MMP16: variants seen among roughly 807,000 people sequenced by gnomAD.
MMP16 encodes matrix metalloproteinase-16.
Under a neutral mutation model 67.8 loss-of-function variants are expected in MMP16, and 12 were observed. The observed-to-expected ratio is 0.18, with a 90% CI of 0.11 to 0.29. The LOEUF is 0.29. Ranked by LOEUF, MMP16 falls within the 10% of genes least tolerant of loss-of-function variation. MMP16 has a pLI of 1.00. For synonymous variants in MMP16, 249 were observed against 255.9 expected, an observed-to-expected ratio of 0.97 and a Z score of 0.26; for missense variants, 475 against 765.7, an observed-to-expected ratio of 0.62 and a Z score of 4.48.
intron 7 of MMP16, chr8:88,069,524 T>C (rs538027243): frequency 3.8e-6 from 2 of 525,130 alleles, no homozygotes; most frequent in Non-Finnish European, 7.8e-6. Context: ...CTCCCTTCAC[T>C]GCAAAGGAAA....
intron 4 of MMP16, among the ~76,000 whole-genome samples, chr8:88,141,603 A>T (rs1222937961): frequency 3.3e-5 from 5 of 152,190 alleles, no homozygotes; most frequent in Non-Finnish European, 2.9e-5. Context: ...GAATCTACTT[A>T]ATAGAGGTAC....
chr8:88,263,511 C>T (rs1810423236), intron 1 of MMP16, among the ~76,000 whole-genome samples: 1 of 152,148 alleles, frequency 6.6e-6, no homozygotes. Flanking sequence ...CAGTTATTGT[C>T]TCATAGTGCT....
chr8:88,200,854 T>A (rs887331856), intron 1 of MMP16, among the ~76,000 whole-genome samples: 5 of 151,912 alleles, frequency 3.3e-5, no homozygotes, highest in African/African-American at 1.2e-4. Flanking sequence ...ATGGAGACAG[T>A]AGAATTTCTC....
chr8:88,322,774 G>A (rs951731939), intron 1 of MMP16, among the ~76,000 whole-genome samples: 3 of 152,104 alleles, frequency 2.0e-5, no homozygotes, highest in African/African-American at 7.2e-5. Context: ...GAGCCCAGGA[G>A]GTTGAGGCTG....
chr8:88,043,228 T>C (rs1182982973), intron 9 of MMP16, among the ~76,000 whole-genome samples: 1 of 152,144 alleles, frequency 6.6e-6, no homozygotes, highest in East Asian at 1.9e-4. Flanking sequence ...TAAACCTTGA[T>C]CTAGATCTAG....
At chr8:88,071,153 T>G (rs1317338228) in intron 7 of MMP16, among the ~76,000 whole-genome samples, 2 of 152,144 alleles carry the variant, frequency 1.3e-5, no homozygotes, top group African/African-American at 4.8e-5. Context: ...AAAATATAAA[T>G]TTTTAATTGT....
At chr8:88,068,798 A>G (rs1586133101) in intron 7 of MMP16, among the ~76,000 whole-genome samples, 3 of 151,914 alleles carry the variant, frequency 2.0e-5, no homozygotes, top group Admixed American at 1.3e-4. Context: ...GCCTCCCGGG[A>G]TCAAGAGATT....
chr8:88,163,745 A>G (rs962349302), intron 4 of MMP16, among the ~76,000 whole-genome samples: 1 of 152,020 alleles, frequency 6.6e-6, no homozygotes, highest in South Asian at 2.1e-4. Flanking sequence ...AAATCTTAAC[A>G]TTTTGCTGGA....
intron 3 of MMP16, among the ~76,000 whole-genome samples, chr8:88,174,262 T>A (rs1031008308): frequency 5.9e-5 from 9 of 152,206 alleles, no homozygotes; most frequent in African/African-American, 1.9e-4. Context: ...TTTAGGTATC[T>A]GTCCCATTGG....
At chr8:88,253,966 A>G (rs1289339281) in intron 1 of MMP16, among the ~76,000 whole-genome samples, 1 of 152,056 alleles carries the variant, frequency 6.6e-6, no homozygotes, top group Non-Finnish European at 1.5e-5. Flanking sequence ...CTGGGTATAT[A>G]CCCAAAGTAA....
intron 4 of MMP16, among the ~76,000 whole-genome samples, chr8:88,133,715 A>G (rs2118481370): frequency 6.6e-6 from 1 of 151,938 alleles, no homozygotes; most frequent in African/African-American, 2.4e-5. Flanking sequence ...TAAATACAAC[A>G]CTTAGAACCT....
intron 1 of MMP16, among the ~76,000 whole-genome samples, chr8:88,208,989 C>T (rs1184169542): frequency 1.3e-5 from 2 of 151,642 alleles, no homozygotes; most frequent in Non-Finnish European, 2.9e-5. Context: ...AGGAAGAAGA[C>T]GTAAAAGAAG....
chr8:88,194,396 T>A (rs1473474868), intron 2 of MMP16, among the ~76,000 whole-genome samples: 1 of 152,062 alleles, frequency 6.6e-6, no homozygotes, highest in African/African-American at 2.4e-5. Flanking sequence ...TAAAAATTCA[T>A]ACCTTATAAT....
At chr8:88,229,479 T>A (rs1233423325) in intron 1 of MMP16, among the ~76,000 whole-genome samples, 4 of 151,990 alleles carry the variant, frequency 2.6e-5, no homozygotes, top group Non-Finnish European at 5.9e-5. Context: ...AAAAGACAGG[T>A]TATAATTAGG....
intron 6 of MMP16, among the ~76,000 whole-genome samples, chr8:88,114,654 C>A (rs1809398925): frequency 6.6e-6 from 1 of 151,704 alleles, no homozygotes; most frequent in Non-Finnish European, 1.5e-5. Flanking sequence ...GAACAAAATG[C>A]CTATTAGAAG....
intron 1 of MMP16, among the ~76,000 whole-genome samples, chr8:88,282,522 C>T (rs1339345421): frequency 6.6e-6 from 1 of 152,186 alleles, no homozygotes; most frequent in Non-Finnish European, 1.5e-5. Flanking sequence ...ACCTCTTTTG[C>T]AATGTAGATA....
At chr8:88,183,815 A>C (rs1809023968) in intron 3 of MMP16, among the ~76,000 whole-genome samples, 2 of 145,842 alleles carry the variant, frequency 1.4e-5, no homozygotes, top group Admixed American at 1.4e-4. Flanking sequence ...TCCCGGGTTC[A>C]AGTTATTCTC....
At chr8:88,113,657 T>C (rs1490218941) in intron 6 of MMP16, among the ~76,000 whole-genome samples, 1 of 151,916 alleles carries the variant, frequency 6.6e-6, no homozygotes, top group Non-Finnish European at 1.5e-5. Context: ...AGGAGACCAA[T>C]AAGCAGTCAT....
chr8:88,129,865 C>T (rs1807997858), intron 4 of MMP16, among the ~76,000 whole-genome samples: 1 of 151,714 alleles, frequency 6.6e-6, no homozygotes, highest in East Asian at 2.0e-4. Context: ...TTTTAGCATA[C>T]TGTGAACCTT....
Sources: gnomAD v4.1 joint callset for allele counts (sites outside exome capture counted in the v4.1 genomes callset) on GRCh38, gnomAD v4.1.1 for gene constraint, MANE v1.5 for transcripts, NCBI Gene and HGNC (gene_info 2026-07-23, HGNC 2026-07-21) for gene names.